Variants in SERPINI1 observed in about 807,000 individuals in gnomAD.
SERPINI1 encodes serpin family I member 1, also known as neuroserpin.
A neutral mutation model predicts 41.1 loss-of-function variants in SERPINI1; 19 were observed. That is an observed-to-expected ratio of 0.46 (90% CI 0.32 to 0.68). The LOEUF is 0.68. SERPINI1 is among the 30% of genes least tolerant of loss of function. SERPINI1 has a pLI of 0.03. For synonymous variants in SERPINI1, 138 were observed against 156.6 expected, an observed-to-expected ratio of 0.88 and a Z score of 0.89; for missense variants, 460 against 479.2, an observed-to-expected ratio of 0.96 and a Z score of 0.37.
Position 167,789,189 on chromosome 3 carries a change from T to G in SERPINI1, c.61T>G (p.Phe21Val). The G allele has an allele frequency of 6.2e-7, 1 of 1,614,182 alleles. No homozygotes were observed. The highest frequency in any genetic ancestry group is 8.5e-7 in the Non-Finnish European group (1 of 1,180,002). The change falls in exon 2 of 9, where the codon TTC (phenylalanine) becomes GTC (valine). Residue 21 changes from phenylalanine to valine, a missense_variant. By Grantham distance (50) the Phe-to-Val change is conservative. Transcript: ENST00000446050. Reference protein sequence around the residue: ...VLQSMATGATFPEEAIADLSV... With the variant: ...VLQSMATGATVPEEAIADLSV... ...GCAAAGTATGGCTACAGGGGCCACT[T>G]TCCCTGAGGAAGCCATTGCTGACTT...
intron 1 of SERPINI1, among the ~76,000 whole-genome samples, chr3:167,783,499 T>C (rs551016500): frequency 6.6e-6 from 1 of 152,290 alleles, no homozygotes; most frequent in Admixed American, 6.5e-5. Flanking sequence ...ATTTTACTTA[T>C]TTGGGAATAG....
chr3:167,782,714 C>A (rs1442719263), intron 1 of SERPINI1, among the ~76,000 whole-genome samples: 1 of 152,062 alleles, frequency 6.6e-6, no homozygotes, highest in Non-Finnish European at 1.5e-5. Context: ...GCCAAGATTT[C>A]AAAGGAGGGA....
intron 6 of SERPINI1, among the ~76,000 whole-genome samples, chr3:167,816,264 TCAAGCGATCAGCCC>T (rs1471241158): frequency 3.9e-5 from 6 of 152,060 alleles, no homozygotes; most frequent in South Asian, 2.1e-4. Context: ...ACTCCTGGGC[TCAAGCGATCAGCCC>T]CAAGCGATCA....
chr3:167,814,774 G>A (rs1712013066), intron 6 of SERPINI1, among the ~76,000 whole-genome samples: 1 of 152,050 alleles, frequency 6.6e-6, no homozygotes, highest in Non-Finnish European at 1.5e-5. Context: ...TTGAATTATT[G>A]CCCAGTTCTT....
chr3:167,748,545 TAA>T (rs1187757974), intron 1 of SERPINI1, among the ~76,000 whole-genome samples: 1 of 152,122 alleles, frequency 6.6e-6, no homozygotes, highest in Non-Finnish European at 1.5e-5. Flanking sequence ...AGGGAAAAAG[TAA>T]ATAGTCATGC....
chr3:167,763,306 C>T (rs903970974), intron 1 of SERPINI1, among the ~76,000 whole-genome samples: 1 of 151,942 alleles, frequency 6.6e-6, no homozygotes, highest in Non-Finnish European at 1.5e-5. Context: ...TCAATTATTT[C>T]CTCGTTTCCC....
chr3:167,790,535 T>C lies in SERPINI1; in HGVS notation c.414T>C (p.His138=), dbSNP rs758630825. The C allele has an allele frequency of 3.1e-5, 50 of 1,613,926 alleles. No individual in the cohort carries two copies. Among genetic ancestry groups the C allele is most frequent in the Middle Eastern group, 3.3e-4 (2 of 6,084 alleles). The change falls in exon 3 of 9, where the codon CAT becomes CAC. Residue 138 remains histidine (H), a synonymous_variant. Coordinates refer to ENST00000446050, the MANE Select transcript of SERPINI1 (RefSeq NM_001122752.2). ...MKKYFNAAVN[H]VDFSQNVAVA... is the part of the protein sequence containing the mutation. The stretch of plus-strand genomic sequence containing the variant: ...AATATTTTAATGCAGCAGTAAATCA[T>C]GTGGACTTCAGTCAAAATGTAGCCG...
intron 1 of SERPINI1, among the ~76,000 whole-genome samples, chr3:167,738,725 A>G (rs551815769): frequency 6.6e-6 from 1 of 151,766 alleles, no homozygotes; most frequent in South Asian, 2.1e-4. Context: ...TTACTGGAAT[A>G]AATTTTGGAT....
chr3:167,787,987 A>G (rs1439436195), intron 1 of SERPINI1, among the ~76,000 whole-genome samples: 1 of 152,266 alleles, frequency 6.6e-6, no homozygotes, highest in Non-Finnish European at 1.5e-5. Flanking sequence ...ATGCTCAACC[A>G]TAATTAAAAT....
Position 167,767,029 on chromosome 3 carries a change from A to G in SERPINI1, c.-18-22082A>G, listed in dbSNP as rs61248539. Among the ~76,000 whole-genome samples, 1,298 of 152,332 alleles carry G rather than the reference A, an allele frequency of 8.5e-3. 100 individuals carry two copies. In the East Asian group the frequency reaches 0.18, roughly 21 times the overall value. ...ACAACATATTTTCACTGTCGATGAAACACCCTTATACTGTAAGACAGTGCC... is the reference window on the plus strand; with the variant it reads ...ACAACATATTTTCACTGTCGATGAAGCACCCTTATACTGTAAGACAGTGCC... On this transcript the variant is annotated intron_variant, in intron 1 of 8. Coordinates refer to ENST00000446050, the MANE Select transcript of SERPINI1 (RefSeq NM_001122752.2).
intron 5 of SERPINI1, among the ~76,000 whole-genome samples, chr3:167,799,763 T>C (rs1727842758): frequency 6.6e-6 from 1 of 152,248 alleles, no homozygotes; most frequent in African/African-American, 2.4e-5. Flanking sequence ...TGGTATCTTA[T>C]TGTGCTTTTG....
intron 8 of SERPINI1, 37 bp from the exon 9 acceptor site, chr3:167,825,210 T>C (rs1050958583): frequency 8.1e-7 from 1 of 1,240,454 alleles, no homozygotes. Context: ...TATTATTTTG[T>C]TCACCCCCTC....
intron 1 of SERPINI1, among the ~76,000 whole-genome samples, chr3:167,777,993 T>C (rs1727014828): frequency 6.6e-6 from 1 of 152,212 alleles, no homozygotes; most frequent in African/African-American, 2.4e-5. Flanking sequence ...CTTTTTACCT[T>C]TCAGCCTTCC....
intron 1 of SERPINI1, among the ~76,000 whole-genome samples, chr3:167,743,486 C>A (rs1484567485): frequency 6.6e-6 from 1 of 152,066 alleles, no homozygotes; most frequent in Non-Finnish European, 1.5e-5. Flanking sequence ...ACTGACTTGG[C>A]AAAATTGTAG....
At chr3:167,768,539 C>A (rs1172612376) in intron 1 of SERPINI1, among the ~76,000 whole-genome samples, 2 of 152,142 alleles carry the variant, frequency 1.3e-5, no homozygotes, top group Admixed American at 6.5e-5. Context: ...GGGTTAAAAA[C>A]AAAAGCACAT....
intron 1 of SERPINI1, among the ~76,000 whole-genome samples, 187 bp from the exon 2 acceptor site, chr3:167,788,924 C>T (rs1387546011): frequency 1.3e-5 from 2 of 152,182 alleles, no homozygotes; most frequent in Admixed American, 6.5e-5. Flanking sequence ...ACTATACATA[C>T]TCTTAACCCC....
At chr3:167,813,865 C>T (rs1560017116) in intron 6 of SERPINI1, among the ~76,000 whole-genome samples, 1 of 152,104 alleles carries the variant, frequency 6.6e-6, no homozygotes, top group Admixed American at 6.6e-5. Context: ...AGCATGGGGA[C>T]TTCTCTCATA....
intron 1 of SERPINI1, among the ~76,000 whole-genome samples, chr3:167,754,319 T>A (rs1243498640): frequency 6.6e-6 from 1 of 152,192 alleles, no homozygotes; most frequent in Non-Finnish European, 1.5e-5. Context: ...GAGATGCATC[T>A]TCAGCAACTG....
At chr3:167,756,633 C>T (rs1467305838) in intron 1 of SERPINI1, among the ~76,000 whole-genome samples, 3 of 152,094 alleles carry the variant, frequency 2.0e-5, no homozygotes, top group Non-Finnish European at 2.9e-5. Flanking sequence ...TGTAATTAAA[C>T]TTCCAAATAA....
Sources: gnomAD v4.1 joint callset for allele counts (sites outside exome capture counted in the v4.1 genomes callset) on GRCh38, gnomAD v4.1.1 for gene constraint, MANE v1.5 for transcripts, NCBI Gene and HGNC (gene_info 2026-07-23, HGNC 2026-07-21) for gene names.